Variants in ADAMTSL1 observed in about 807,000 individuals in gnomAD.
ADAMTSL1 encodes ADAMTS-like protein 1.
ADAMTSL1 carries 126 observed loss-of-function variants against 201.8 expected under a neutral mutation model. The observed-to-expected ratio is 0.62, with a 90% confidence interval of 0.54 to 0.72. The LOEUF (loss-of-function observed/expected upper bound fraction) is 0.72, where lower values mean the gene tolerates loss of function less well. Ranked by LOEUF, ADAMTSL1 falls within the 30% of genes least tolerant of loss-of-function variation. ADAMTSL1 has a pLI of 0.00. For missense variants in ADAMTSL1, 2,679 were observed against 2,277.8 expected (o/e 1.18, Z -3.59); for synonymous variants, 1,121 against 903.4 (o/e 1.24, Z -4.32).
At chr9:18,211,285 C>G (rs10963522) in intron 2 of ADAMTSL1, among the ~76,000 whole-genome samples, 1 of 151,886 alleles carries the variant, frequency 6.6e-6, no homozygotes, top group African/African-American at 2.4e-5. Context: ...ATTTTGTGAT[C>G]GTGACCACCC....
chr9:18,366,908 C>G (rs79093641), intron 2 of ADAMTSL1, among the ~76,000 whole-genome samples: 7,991 of 152,068 alleles, frequency 0.053, 299 homozygotes, highest in South Asian at 0.18. Flanking sequence ...ACATGCAGCC[C>G]CATCACCAAC....
At chr9:18,641,223 A>G (rs1827414941) in intron 7 of ADAMTSL1, among the ~76,000 whole-genome samples, 1 of 152,030 alleles carries the variant, frequency 6.6e-6, no homozygotes, top group African/African-American at 2.4e-5. Flanking sequence ...TCCTCCTTCC[A>G]GGAGTATTCT....
In ADAMTSL1 at chr9:18,770,727, A is replaced by G; in HGVS notation, c.2343A>G (p.Gln781=). ...CAGCTTCAAAACCTGCCTGCCAGCA[A>G]GCATGCAAGAAAGATGACTGTCCCA... ...FCSASKPACQ[Q]ACKKDDCPSE... is the part of the protein sequence containing the mutation. Residue 781 remains glutamine (Q), a synonymous_variant, in exon 17 of 29, where the codon CAA becomes CAG. Coordinates refer to ENST00000380548, the MANE Select transcript of ADAMTSL1 (RefSeq NM_001040272.6). 7 of 1,613,496 alleles carry G rather than the reference A, an allele frequency of 4.3e-6. No individual in the cohort carries two copies. The highest frequency in any genetic ancestry group is 5.1e-6 in the Non-Finnish European group (6 of 1,179,614).
chr9:18,090,682 TACA>T (rs1365272621), intron 1 of ADAMTSL1, among the ~76,000 whole-genome samples: 1 of 152,182 alleles, frequency 6.6e-6, no homozygotes, highest in Non-Finnish European at 1.5e-5. Flanking sequence ...CGGCAATGGT[TACA>T]ACAATATGAA....
At chr9:18,681,693 C>CGGGT in intron 11 of ADAMTSL1, 119 bp from the exon 12 acceptor site, 1 of 293,590 alleles carries the variant, frequency 3.4e-6, no homozygotes, top group Non-Finnish European at 5.2e-6. Flanking sequence ...CAGGAGTCCT[C>CGGGT]GTGTGGGGGG....
intron 20 of ADAMTSL1, among the ~76,000 whole-genome samples, chr9:18,805,357 G>A (rs1823043566): frequency 6.6e-6 from 1 of 152,136 alleles, no homozygotes; most frequent in Non-Finnish European, 1.5e-5. Flanking sequence ...CCTCTTACCT[G>A]TCTTCCTCTT....
rs564095583 is a variant in ADAMTSL1 at position 18,532,801 on chromosome 9, A to T, written c.192-446A>T. On this transcript the variant is annotated intron_variant, in intron 2 of 28. Coordinates refer to ENST00000380548, the MANE Select transcript of ADAMTSL1 (RefSeq NM_001040272.6). ...TAAAAATAATTTTTTAAGAATTATG[A>T]CTTTCCACATTCTTAGAATTATGAT... is the stretch of plus-strand genomic sequence containing the variant. Among the ~76,000 whole-genome samples the T allele has an allele frequency of 2.0e-5, 3 of 151,782 alleles. No homozygotes were observed. The South Asian group carries it at 6.2e-4, about 32-fold the overall frequency.
At chr9:18,875,299 G>T (rs1385950930) in intron 23 of ADAMTSL1, among the ~76,000 whole-genome samples, 1 of 151,830 alleles carries the variant, frequency 6.6e-6, no homozygotes, top group African/African-American at 2.4e-5. Flanking sequence ...CTGGGTTTGG[G>T]TTTGGTTTGT....
intron 28 of ADAMTSL1, chr9:18,908,137 A>T: frequency 2.5e-6 from 1 of 401,858 alleles, no homozygotes; most frequent in Non-Finnish European, 4.7e-6. Context: ...AATCCCAAGA[A>T]GATAGAGAAA....
chr9:18,544,978 C>G (rs920124702), intron 3 of ADAMTSL1, among the ~76,000 whole-genome samples: 12 of 152,126 alleles, frequency 7.9e-5, no homozygotes, highest in African/African-American at 2.4e-4. Flanking sequence ...ATATGAGTCC[C>G]CTCTCCTGGC....
chr9:18,364,943 G>C (rs925497746), intron 2 of ADAMTSL1, among the ~76,000 whole-genome samples: 1 of 152,034 alleles, frequency 6.6e-6, no homozygotes, highest in Non-Finnish European at 1.5e-5. Context: ...CCGCCCCCAT[G>C]ATCCAATAAC....
chr9:18,340,669 C>G (rs1476533843), intron 2 of ADAMTSL1, among the ~76,000 whole-genome samples: 1 of 152,070 alleles, frequency 6.6e-6, no homozygotes, highest in Non-Finnish European at 1.5e-5. Flanking sequence ...CCATGCTATT[C>G]TTGTGATAGT....
At chr9:17,912,951 C>T (rs993228178) in intron 1 of ADAMTSL1, among the ~76,000 whole-genome samples, 5 of 152,104 alleles carry the variant, frequency 3.3e-5, no homozygotes, top group African/African-American at 1.2e-4. Context: ...GAATCCTTTC[C>T]CCATTGCTTG....
intron 2 of ADAMTSL1, among the ~76,000 whole-genome samples, chr9:18,347,608 C>T (rs1835782092): frequency 6.6e-6 from 1 of 152,158 alleles, no homozygotes; most frequent in Non-Finnish European, 1.5e-5. Context: ...CTGTCATCAT[C>T]ATTTATTCCT....
At chr9:18,140,989 G>T (rs1025410240) in intron 1 of ADAMTSL1, among the ~76,000 whole-genome samples, 3 of 152,166 alleles carry the variant, frequency 2.0e-5, no homozygotes, top group African/African-American at 7.2e-5. Context: ...TCTGAAAAGA[G>T]AGTGAGCACC....
chr9:18,697,207 A>T (rs1831613832), intron 13 of ADAMTSL1, among the ~76,000 whole-genome samples: 1 of 152,174 alleles, frequency 6.6e-6, no homozygotes, highest in Admixed American at 6.5e-5. Flanking sequence ...CTCACAAATT[A>T]TTGAGGAAGC....
chr9:18,594,090 A>T (rs1027504128), intron 4 of ADAMTSL1, among the ~76,000 whole-genome samples: 14 of 151,864 alleles, frequency 9.2e-5, no homozygotes, highest in Non-Finnish European at 1.8e-4. Flanking sequence ...TAGTCTGGAA[A>T]AGTCTTTAGT....
At chr9:17,943,316 A>G (rs1563910759) in intron 1 of ADAMTSL1, among the ~76,000 whole-genome samples, 1 of 152,136 alleles carries the variant, frequency 6.6e-6, no homozygotes, top group Non-Finnish European at 1.5e-5. Context: ...TTAAAGATTA[A>G]CATATTATGG....
At chr9:18,371,073 C>A (rs1008399955) in intron 2 of ADAMTSL1, among the ~76,000 whole-genome samples, 10 of 152,046 alleles carry the variant, frequency 6.6e-5, no homozygotes, top group Non-Finnish European at 1.5e-4. Context: ...TGAGTAACAA[C>A]ATATCTCAAT....
Sources: gnomAD v4.1 joint callset for allele counts (sites outside exome capture counted in the v4.1 genomes callset) on GRCh38, gnomAD v4.1.1 for gene constraint, MANE v1.5 for transcripts, NCBI Gene and HGNC (gene_info 2026-07-23, HGNC 2026-07-21) for gene names.